ROBO1: variants seen among roughly 807,000 people sequenced by gnomAD.
ROBO1 encodes the protein roundabout homolog 1.
ROBO1 carries 149 observed loss-of-function variants against 195.9 expected under a neutral mutation model. The ratio of observed to expected loss-of-function variants is 0.76; its 90% CI spans 0.67 to 0.87. The LOEUF is 0.87. ROBO1 is among the 40% of genes least tolerant of loss of function. ROBO1 has a pLI of 0.00. For missense variants in ROBO1, 1,933 were observed against 2,068.3 expected (o/e 0.93, Z 1.27); for synonymous variants, 816 against 733.2 (o/e 1.11, Z -1.82).
At chr3:78,893,712 T>A (rs1035730287) in intron 4 of ROBO1, among the ~76,000 whole-genome samples, 1 of 152,204 alleles carries the variant, frequency 6.6e-6, no homozygotes, top group Non-Finnish European at 1.5e-5. Context: ...ACTTCTACTT[T>A]ATAAATAAAA....
chr3:79,419,093 T>G (rs976307855), intron 2 of ROBO1, among the ~76,000 whole-genome samples: 1 of 152,090 alleles, frequency 6.6e-6, no homozygotes, highest in African/African-American at 2.4e-5. Flanking sequence ...TAGTGAAAGA[T>G]AAGTTAGTTT....
rs376843603 is a variant in ROBO1, at chr3:79,046,095, ATGGGATAC to A, written c.172+79353_172+79360del. Among the ~76,000 whole-genome samples the A allele has an allele frequency of 1.1e-4, 16 of 152,258 alleles. No individual in the cohort carries two copies. The East Asian group carries it at 3.1e-3, about 29-fold the overall frequency. On this transcript the variant is annotated intron_variant, in intron 3 of 30. Coordinates refer to ENST00000464233, the MANE Select transcript of ROBO1 (RefSeq NM_002941.4). ...TGTATAACAGAATAGAGTAAAAGGA[ATGGGATAC>A]TGCTTTTGAGATTAGGTTTCAAAAA...
At chr3:79,642,736 T>G (rs149475331) in intron 1 of ROBO1, among the ~76,000 whole-genome samples, 11 of 152,290 alleles carry the variant, frequency 7.2e-5, no homozygotes, top group African/African-American at 2.6e-4. Flanking sequence ...TCACTGCCAC[T>G]ATACCTGCAT....
At chr3:79,300,135 T>G in intron 2 of ROBO1, among the ~76,000 whole-genome samples, 1 of 152,174 alleles carries the variant, frequency 6.6e-6, no homozygotes, top group East Asian at 1.9e-4. Context: ...GAGGAGCCCC[T>G]CAGCCCACCG....
chr3:79,412,293 T>G (rs2037801265), intron 2 of ROBO1, among the ~76,000 whole-genome samples: 1 of 152,160 alleles, frequency 6.6e-6, no homozygotes, highest in African/African-American at 2.4e-5. Flanking sequence ...GCTGACAGTT[T>G]TCTCTGGTCT....
chr3:79,455,430 G>A (rs569416336), intron 2 of ROBO1, among the ~76,000 whole-genome samples: 2 of 152,126 alleles, frequency 1.3e-5, no homozygotes, highest in Non-Finnish European at 2.9e-5. Flanking sequence ...TGTGAGGTGT[G>A]TAATTTTAAG....
chr3:79,100,065 T>C (rs1487513130), intron 3 of ROBO1, among the ~76,000 whole-genome samples: 1 of 151,724 alleles, frequency 6.6e-6, no homozygotes, highest in Non-Finnish European at 1.5e-5. Flanking sequence ...GTAACAAATA[T>C]ATGGCCAAGA....
At chr3:79,617,477 T>C (rs1391706886) in intron 1 of ROBO1, among the ~76,000 whole-genome samples, 1 of 152,100 alleles carries the variant, frequency 6.6e-6, no homozygotes, top group African/African-American at 2.4e-5. Flanking sequence ...GGAATAAATA[T>C]GAAGCCTTGC....
At chr3:78,856,299 A>G (rs1395321751) in intron 4 of ROBO1, among the ~76,000 whole-genome samples, 1 of 151,694 alleles carries the variant, frequency 6.6e-6, no homozygotes, top group Non-Finnish European at 1.5e-5. Context: ...AAAAGAAAAA[A>G]AAAAAAAAAC....
At chr3:79,069,622 T>A (rs2079055069) in intron 3 of ROBO1, among the ~76,000 whole-genome samples, 1 of 151,984 alleles carries the variant, frequency 6.6e-6, no homozygotes, top group Non-Finnish European at 1.5e-5. Context: ...CTAAAGCTAC[T>A]CTTTCCTTTT....
chr3:79,351,103 T>C (rs1284680805), intron 2 of ROBO1, among the ~76,000 whole-genome samples: 1 of 152,168 alleles, frequency 6.6e-6, no homozygotes, highest in African/African-American at 2.4e-5. Flanking sequence ...AATTGGTGAA[T>C]TGCAAGGTAT....
chr3:79,580,412 G>A (rs1335900761), intron 2 of ROBO1, among the ~76,000 whole-genome samples: 2 of 151,536 alleles, frequency 1.3e-5, no homozygotes, highest in South Asian at 2.1e-4. Flanking sequence ...AGCCCAGGAG[G>A]CAAAGGTTGC....
intron 2 of ROBO1, among the ~76,000 whole-genome samples, chr3:79,249,065 T>C (rs2082675353): frequency 6.6e-6 from 1 of 152,230 alleles, no homozygotes; most frequent in Admixed American, 6.5e-5. Context: ...CTTCTTTTCT[T>C]TCTATTAGAA....
chr3:79,142,774 C>T (rs1444510248), intron 2 of ROBO1, among the ~76,000 whole-genome samples: 1 of 151,922 alleles, frequency 6.6e-6, no homozygotes, highest in African/African-American at 2.4e-5. Flanking sequence ...TTCCCATTTT[C>T]CTGCAAAATG....
chr3:78,832,338 T>G (rs766464430), intron 4 of ROBO1, among the ~76,000 whole-genome samples: 23 of 152,332 alleles, frequency 1.5e-4, no homozygotes, highest in Non-Finnish European at 2.8e-4. Context: ...GCTCTTTGTG[T>G]AAACATAGAT....
At chr3:79,673,469 T>C (rs528290793) in intron 1 of ROBO1, among the ~76,000 whole-genome samples, 1 of 152,006 alleles carries the variant, frequency 6.6e-6, no homozygotes, top group Non-Finnish European at 1.5e-5. Flanking sequence ...AACTTGAGCA[T>C]CATGAATGTG....
At chr3:78,868,337 T>C (rs1460406554) in intron 4 of ROBO1, among the ~76,000 whole-genome samples, 3 of 151,634 alleles carry the variant, frequency 2.0e-5, no homozygotes, top group Non-Finnish European at 2.9e-5. Flanking sequence ...CTTGGAGGTC[T>C]TAATGAAAAA....
intron 26 of ROBO1, among the ~76,000 whole-genome samples, chr3:78,620,404 C>T (rs138565328): frequency 0.053 from 7,999 of 152,010 alleles, 243 homozygotes; most frequent in South Asian, 0.082. Flanking sequence ...CCCAGCTACT[C>T]GGAAGGCTGA....
intron 2 of ROBO1, among the ~76,000 whole-genome samples, chr3:79,492,101 C>T (rs1047065977): frequency 3.3e-5 from 5 of 152,072 alleles, no homozygotes; most frequent in African/African-American, 9.7e-5. Flanking sequence ...AGAGCCCTGA[C>T]ATTGAATTAG....
Sources: gnomAD v4.1 joint callset for allele counts (sites outside exome capture counted in the v4.1 genomes callset) on GRCh38, gnomAD v4.1.1 for gene constraint, MANE v1.5 for transcripts, NCBI Gene and HGNC (gene_info 2026-07-23, HGNC 2026-07-21) for gene names.